NOP53: variants seen among roughly 807,000 people sequenced by gnomAD.
The protein encoded by NOP53 is NOP53 ribosome biogenesis factor, also known as ribosome biogenesis protein NOP53.
A neutral mutation model predicts 61.0 loss-of-function variants in NOP53; 40 were observed. The observed-to-expected ratio is 0.66, with a 90% CI of 0.51 to 0.85. The LOEUF (loss-of-function observed/expected upper bound fraction) is 0.85. Among genes scored for constraint, NOP53 ranks in the 40% least tolerant of loss-of-function variants. NOP53 has a pLI of 0.00. For missense variants in NOP53, 689 were observed against 652.9 expected, an observed-to-expected ratio of 1.06 and a Z score of -0.60; for synonymous variants, 308 against 289.5, an observed-to-expected ratio of 1.06 and a Z score of -0.65.
At chr19:47,745,823 G>A (rs1967055125) in intron 1 of NOP53, 40 bp downstream of exon 1, 1 of 1,376,188 alleles carries the variant, frequency 7.3e-7, no homozygotes, top group African/African-American at 1.5e-5. Flanking sequence ...GACGGTTCCT[G>A]CGCCCAGGTG....
At chr19:47,750,001 G>A (rs529666683) in intron 2 of NOP53, among the ~76,000 whole-genome samples, 177 bp from the exon 3 acceptor site, 1 of 152,256 alleles carries the variant, frequency 6.6e-6, no homozygotes, top group South Asian at 2.1e-4. Flanking sequence ...CAGAGCTTGG[G>A]CACCTTGGGC....
chr19:47,748,873 T>C (rs564819731), intron 2 of NOP53, among the ~76,000 whole-genome samples: 2 of 152,026 alleles, frequency 1.3e-5, no homozygotes, highest in South Asian at 2.1e-4. Context: ...AGCAAGACTC[T>C]GTCTCAAGCT....
chr19:47,753,934 C>T (rs897535205), intron 6 of NOP53: 1 of 152,350 alleles, frequency 6.6e-6, no homozygotes, highest in Non-Finnish European at 1.5e-5. Context: ...TGGTCTTGGG[C>T]TGCCAGGCTT....
chr19:47,749,999 G>A (rs2123673024), intron 2 of NOP53, among the ~76,000 whole-genome samples, 179 bp from the exon 3 acceptor site: 1 of 152,260 alleles, frequency 6.6e-6, no homozygotes, highest in African/African-American at 2.4e-5. Context: ...GTCAGAGCTT[G>A]GGCACCTTGG....
In NOP53 at chr19:47,746,371, C is replaced by CTT. The variant is rs577180022; in HGVS notation, c.225-587_225-586dup. ...CTATTTTTCTTTTCTTTTCTTTTTT[C>CTT]TTTTTTTTTTGAGACGGAGTCTTTC... On this transcript the variant is annotated intron_variant, in intron 1 of 12. Coordinates refer to ENST00000246802, the MANE Select transcript of NOP53 (RefSeq NM_015710.5). 5.4e-5 allele frequency: 8 copies of CTT among 147,678 alleles called. No homozygotes were observed. In the South Asian group the frequency reaches 1.7e-3, roughly 31 times the overall value. The allele number at this position is 147,678 out of a possible 1,614,324, so 9.1% of individuals were successfully genotyped here. A position where few individuals can be genotyped will look rare whatever the true frequency, so the allele number is the denominator to read the frequency against.
intron 6 of NOP53, chr19:47,752,844 G>A (rs1034444140): frequency 1.4e-5 from 7 of 511,548 alleles, no homozygotes; most frequent in Admixed American, 6.4e-5. Flanking sequence ...AAGGGCTCCC[G>A]GGAGGAGGGG....
chr19:47,755,410 C>A lies in NOP53; in HGVS notation c.1116C>A (p.Arg372=), dbSNP rs565290384. The A allele has an allele frequency of 4.6e-6, 7 of 1,534,078 alleles. No homozygotes were observed. The highest frequency in any genetic ancestry group is 6.1e-6 in the Non-Finnish European group (7 of 1,144,202). ...GGCACCAGGAGCTGTTCCGGCTGCG[C>A]GGGATCAAGGCCCAGGTGGCCCTGA... is the stretch of plus-strand genomic sequence containing the variant. ...RLRHQELFRL[R]GIKAQVALRL... The change falls in exon 9 of 13, where the codon CGC becomes CGA. Residue 372 remains arginine (R), a synonymous_variant. Transcript: ENST00000246802.
rs750622962 is a variant in NOP53, at chr19:47,745,580, C to T, written c.21C>T (p.Gly7=). 3 of 1,613,826 alleles carry T rather than the reference C, an allele frequency of 1.9e-6. No individual in the cohort carries two copies. The highest frequency in any genetic ancestry group is 2.5e-6 in the Non-Finnish European group (3 of 1,179,942). Residue 7 remains glycine (G), a synonymous_variant, in exon 1 of 13, where the codon GGC becomes GGT. Coordinates refer to ENST00000246802, the MANE Select transcript of NOP53 (RefSeq NM_015710.5). The part of the protein sequence containing the change: MAAGGS[G]VGGKRSSKSD... ...ACAAGATGGCGGCAGGAGGCAGTGG[C>T]GTTGGTGGGAAGCGCAGCTCGAAAA... is the stretch of plus-strand genomic sequence containing the variant.
intron 4 of NOP53, 174 bp from the exon 5 acceptor site, chr19:47,751,346 C>A: frequency 1.6e-6 from 1 of 642,940 alleles, no homozygotes; most frequent in Non-Finnish European, 2.7e-6. Flanking sequence ...ACTTTCTGAA[C>A]CCGTCCAGAC....
At chr19:47,756,478 C>G (rs760917993) in intron 10 of NOP53, 50 bp from the exon 11 acceptor site, 2 of 1,476,562 alleles carry the variant, frequency 1.4e-6, no homozygotes, top group East Asian at 4.5e-5. Flanking sequence ...GAGGTCCAGG[C>G]CCTTGGGCTT....
Position 47,750,169 on chromosome 19 carries a change from C to T in NOP53, c.290-9C>T, listed in dbSNP as rs1304610693. 1.3e-6 allele frequency: 2 copies of T among 1,576,230 alleles called. No individual in the cohort carries two copies. Among genetic ancestry groups the T allele is most frequent in the Admixed American group, 1.7e-5 (1 of 59,942 alleles). ...TGAGGCCTTGACTTGTTCTCTTTCC[C>T]ATTCTTAGGGCTGACAAAGAAGAGA... On this transcript the variant is annotated splice_polypyrimidine_tract_variant and intron_variant, in intron 2 of 12. Coordinates refer to ENST00000246802, the MANE Select transcript of NOP53 (RefSeq NM_015710.5).
chr19:47,756,792 C>T (rs1161690196), intron 12 of NOP53, 48 bp downstream of exon 12: 1 of 1,591,252 alleles, frequency 6.3e-7, no homozygotes, highest in Non-Finnish European at 8.6e-7. Context: ...TTCTCCCACC[C>T]CGTGGTGCCC....
At chr19:47,755,637 C>T (rs1362579949) in intron 9 of NOP53, 114 bp downstream of exon 9, 49 of 1,340,480 alleles carry the variant, frequency 3.7e-5, no homozygotes, top group Non-Finnish European at 1.0e-6. Context: ...GGGAGACCAC[C>T]TCTTCCCCCA....
At position 47,756,716 on chromosome 19, in the gene NOP53, G is replaced by C. The variant is rs751613426; in HGVS notation, c.1402G>C (p.Val468Leu). Residue 468 changes from valine to leucine, a missense_variant, in exon 12 of 13, where the codon GTG becomes CTG. Coordinates refer to ENST00000246802, the MANE Select transcript of NOP53 (RefSeq NM_015710.5). ...KFKRKYKVKL[V>L]EKRAFREIQL Reference sequence around the variant, plus strand: ...CAAACGCAAGTACAAGGTGAAGCTGGTGGAGAAGCGGGCGTTCCGTGAGAT... The same window carrying C: ...CAAACGCAAGTACAAGGTGAAGCTGCTGGAGAAGCGGGCGTTCCGTGAGAT... 6.2e-7 allele frequency: 1 copy of C among 1,613,730 alleles called. No individual in the cohort carries two copies. The highest frequency in any genetic ancestry group is 1.7e-5 in the Admixed American group (1 of 60,028).
chr19:47,751,360 G>A (rs893746397), intron 4 of NOP53, 160 bp from the exon 5 acceptor site: 6 of 658,618 alleles, frequency 9.1e-6, no homozygotes, highest in African/African-American at 9.1e-5. Context: ...TCCAGACACA[G>A]TTTTGTCCTG....
In NOP53 at chr19:47,755,537, C is replaced by A; in HGVS notation, c.1229+14C>A. The A allele has an allele frequency of 1.4e-6, 2 of 1,465,206 alleles. No homozygotes were observed. The highest frequency in any genetic ancestry group is 1.8e-6 in the Non-Finnish European group (2 of 1,108,856). 90.8% of individuals were successfully genotyped at this position (1,465,206 alleles called of 1,614,324 possible). ...GGGGCGGCTCAAGTGAGAACCAGGC[C>A]GGGGGTTCTGGGAGAGGCTGGGGAG... On this transcript the variant is annotated intron_variant, in intron 9 of 12. Transcript: ENST00000246802.
At chr19:47,749,029 C>T (rs561697286) in intron 2 of NOP53, among the ~76,000 whole-genome samples, 8 of 151,792 alleles carry the variant, frequency 5.3e-5, no homozygotes, top group East Asian at 3.9e-4. Flanking sequence ...AGCGTGGTGG[C>T]GCATGCCTGT....
At chr19:47,748,856 G>A (rs1029762162) in intron 2 of NOP53, among the ~76,000 whole-genome samples, 3 of 151,858 alleles carry the variant, frequency 2.0e-5, no homozygotes, top group Admixed American at 6.6e-5. Flanking sequence ...TCCAGCCTGG[G>A]CGACAGAGCA....
intron 4 of NOP53, 179 bp from the exon 5 acceptor site, chr19:47,751,341 C>G (rs1967122645): frequency 6.2e-6 from 4 of 643,066 alleles, no homozygotes; most frequent in South Asian, 5.8e-5. Flanking sequence ...CTTCCACTTT[C>G]TGAACCCGTC....
Sources: allele counts gnomAD v4.1 joint callset (sites outside exome capture counted in the v4.1 genomes callset), GRCh38; gene constraint gnomAD v4.1.1; transcripts MANE v1.5; gene names NCBI Gene and HGNC (gene_info 2026-07-23, HGNC 2026-07-21).